Variants in ADAM22 observed in about 807,000 individuals in gnomAD.
The protein encoded by ADAM22 is ADAM metallopeptidase domain 22, also known as disintegrin and metalloproteinase domain-containing protein 22.
A neutral mutation model predicts 144.6 loss-of-function variants in ADAM22; 65 were observed. The ratio of observed to expected loss-of-function variants is 0.45; its 90% CI spans 0.37 to 0.55. The LOEUF (loss-of-function observed/expected upper bound fraction) is 0.55. Ranked by LOEUF, ADAM22 falls within the 20% of genes least tolerant of loss-of-function variation. ADAM22 has a pLI of 0.00. For synonymous variants in ADAM22, 391 were observed against 412.6 expected (o/e 0.95, Z 0.63); for missense variants, 974 against 1,184.9 (o/e 0.82, Z 2.61).
intron 2 of ADAM22, among the ~76,000 whole-genome samples, chr7:87,938,411 G>T (rs1311857634): frequency 6.6e-6 from 1 of 151,438 alleles, no homozygotes; most frequent in Non-Finnish European, 1.5e-5. Context: ...TAGAGACAGG[G>T]TTTCACCATT....
chr7:88,056,371 T>C (rs1002658465), intron 3 of ADAM22, among the ~76,000 whole-genome samples: 3 of 152,226 alleles, frequency 2.0e-5, no homozygotes, highest in Non-Finnish European at 4.4e-5. Context: ...TGGATGCATC[T>C]GTAGAGATTA....
chr7:88,195,555 G>A (rs549267818), intron 31 of ADAM22, among the ~76,000 whole-genome samples: 7 of 152,062 alleles, frequency 4.6e-5, no homozygotes, highest in African/African-American at 1.4e-4. Context: ...TCGCTCAGTC[G>A]CCCAGGCTAT....
In ADAM22 at chr7:88,132,995, A is replaced by G. The variant is rs561719237; in HGVS notation, c.1077+44A>G. Reference sequence around the variant, plus strand: ...ACAATACAAAGTGGTATGATGGCTGAAAATGTTTTCCTCATACTTAAGAGA... The same window carrying G: ...ACAATACAAAGTGGTATGATGGCTGGAAATGTTTTCCTCATACTTAAGAGA... On this transcript the variant is annotated intron_variant, in intron 12 of 31. Transcript: ENST00000413139. 7.1e-6 allele frequency: 11 copies of G among 1,551,128 alleles called. No homozygotes were observed. In the African/African-American group the frequency reaches 1.4e-4, roughly 19 times the overall value.
chr7:88,125,491 T>G, intron 7 of ADAM22, 98 bp from the exon 8 acceptor site: 1 of 733,356 alleles, frequency 1.4e-6, no homozygotes, highest in Non-Finnish European at 2.3e-6. Flanking sequence ...CATTATGTAT[T>G]ATAAAATTCA....
In ADAM22 at chr7:88,142,981, G is replaced by A. The variant is rs111483585; in HGVS notation, c.1221-45G>A. 1.5e-5 allele frequency: 18 copies of A among 1,218,534 alleles called. No homozygotes were observed. The African/African-American group carries it at 2.3e-4, about 15-fold the overall frequency. 75.5% of individuals were successfully genotyped at this position (1,218,534 alleles called of 1,614,324 possible). A position where few individuals can be genotyped will look rare whatever the true frequency, so the allele number is the denominator to read the frequency against. Reference sequence around the variant, plus strand: ...TCAGTTTTCAGACATTCACAAATGAGAAAGATGAGTTGAACCCAGCTATTG... The same window carrying A: ...TCAGTTTTCAGACATTCACAAATGAAAAAGATGAGTTGAACCCAGCTATTG... On this transcript the variant is annotated intron_variant, in intron 14 of 31. Transcript: ENST00000413139.
intron 4 of ADAM22, among the ~76,000 whole-genome samples, chr7:88,077,978 C>T (rs1240367279): frequency 1.3e-5 from 2 of 152,224 alleles, no homozygotes; most frequent in Non-Finnish European, 2.9e-5. Context: ...CCCTGTCTGT[C>T]AGCTTTGAAG....
intron 3 of ADAM22, among the ~76,000 whole-genome samples, chr7:88,068,138 A>G (rs569771824): frequency 3.3e-5 from 5 of 152,260 alleles, no homozygotes; most frequent in Admixed American, 2.0e-4. Context: ...AGGATTCTCT[A>G]GTATATCAAA....
chr7:88,142,870 C>G (rs1835204050), intron 14 of ADAM22, among the ~76,000 whole-genome samples, 156 bp from the exon 15 acceptor site: 1 of 151,052 alleles, frequency 6.6e-6, no homozygotes, highest in East Asian at 1.9e-4. Context: ...ATTGACTGAA[C>G]AAAACTCTTA....
In ADAM22 at chr7:88,150,058, G is replaced by A. The variant is rs528516302; in HGVS notation, c.1567-923G>A. On this transcript the variant is annotated intron_variant, in intron 18 of 31. Coordinates refer to ENST00000413139, the MANE Select transcript of ADAM22 (RefSeq NM_001324418.2). ...TGTGAATGTGAAGTTTCTTGCTGGC[G>A]TTACCCCCTCTGGGACATCGTCACC... 8.5e-5 allele frequency among the ~76,000 whole-genome samples: 13 copies of A among 152,112 alleles called. No individual in the cohort carries two copies. In the East Asian group the frequency reaches 9.6e-4, roughly 11 times the overall value.
In ADAM22 at chr7:88,100,980, G is replaced by A. The variant is rs1822751994; in HGVS notation, c.391-7196G>A. 1.3e-5 allele frequency among the ~76,000 whole-genome samples: 2 copies of A among 150,840 alleles called. 1 individual carries two copies. Among genetic ancestry groups the A allele is most frequent in the South Asian group, 4.3e-4 (2 of 4,682 alleles). ...AGCCATGCAGCCACCAATGTGTCAG[G>A]ACAGTGTATACCCTTGGGGGGAATC... On this transcript the variant is annotated intron_variant, in intron 4 of 31. Coordinates refer to ENST00000413139, the MANE Select transcript of ADAM22 (RefSeq NM_001324418.2).
chr7:88,141,003 G>C (rs1002700390), intron 14 of ADAM22, among the ~76,000 whole-genome samples: 4 of 151,712 alleles, frequency 2.6e-5, no homozygotes, highest in African/African-American at 9.7e-5. Context: ...GCAGAGGAGG[G>C]GTCCCAGTGG....
At chr7:88,175,674 T>C (rs1226445101) in intron 26 of ADAM22, among the ~76,000 whole-genome samples, 1 of 152,198 alleles carries the variant, frequency 6.6e-6, no homozygotes, top group African/African-American at 2.4e-5. Context: ...GGCCACCTAC[T>C]GTGGTGATCA....
Position 87,935,107 on chromosome 7 carries a change from T to C in ADAM22, c.167T>C (p.Ile56Thr). 1.9e-6 allele frequency: 3 copies of C among 1,613,880 alleles called. No homozygotes were observed. Among genetic ancestry groups the C allele is most frequent in the Non-Finnish European group, 2.5e-6 (3 of 1,179,966 alleles). The change falls in exon 2 of 32, where the codon ATC (isoleucine) becomes ACC (threonine). Residue 56 changes from isoleucine to threonine, a missense_variant. Ile to Thr is a moderately conservative substitution (Grantham distance 89). Around this residue, in one of 2 missense-constraint regions of ADAM22, gnomAD observed 240 missense variants for 234.3 expected, o/e 1.02. Coordinates refer to ENST00000413139, the MANE Select transcript of ADAM22 (RefSeq NM_001324418.2). ...ERQSIVPLRLIYRSGGEDESR... is the reference protein window; with the variant it reads ...ERQSIVPLRLTYRSGGEDESR... ...CAGAGCATCGTGCCACTGCGCCTCA[T>C]CTACCGCTCGGGCGGCGAAGACGAA...
intron 2 of ADAM22, among the ~76,000 whole-genome samples, chr7:87,935,932 T>C (rs184002288): frequency 2.0e-5 from 3 of 152,372 alleles, no homozygotes; most frequent in Admixed American, 2.0e-4. Context: ...TAAATACTTC[T>C]GGGGCTGTGT....
chr7:88,071,686 G>A (rs964440247), intron 3 of ADAM22, among the ~76,000 whole-genome samples: 3 of 151,910 alleles, frequency 2.0e-5, no homozygotes, highest in African/African-American at 7.3e-5. Context: ...AATGAAAAAA[G>A]GTCTCAGAAA....
intron 6 of ADAM22, among the ~76,000 whole-genome samples, chr7:88,116,105 T>C (rs750756534): frequency 2.4e-4 from 37 of 152,214 alleles, no homozygotes; most frequent in Non-Finnish European, 4.1e-4. Context: ...GCTGCCTGTC[T>C]TGTCACTTTG....
chr7:88,082,632 A>G (rs915429699), intron 4 of ADAM22, among the ~76,000 whole-genome samples: 3 of 152,230 alleles, frequency 2.0e-5, no homozygotes, highest in Non-Finnish European at 4.4e-5. Flanking sequence ...TACTCAAACA[A>G]ATTTACAAGA....
intron 3 of ADAM22, among the ~76,000 whole-genome samples, chr7:88,020,135 A>G (rs757025251): frequency 5.3e-5 from 8 of 152,160 alleles, no homozygotes; most frequent in Admixed American, 1.3e-4. Flanking sequence ...CTGCATTCTC[A>G]TGAATATTGG....
chr7:87,987,770 A>C (rs907932334), intron 3 of ADAM22, among the ~76,000 whole-genome samples: 1 of 152,214 alleles, frequency 6.6e-6, no homozygotes, highest in African/African-American at 2.4e-5. Flanking sequence ...CCATCTGCAC[A>C]GAGCTGGCTT....
Sources: allele counts gnomAD v4.1 joint callset (sites outside exome capture counted in the v4.1 genomes callset), GRCh38; gene constraint gnomAD v4.1.1; regional missense constraint gnomAD v4.1.1; transcripts MANE v1.5; gene names NCBI Gene and HGNC (gene_info 2026-07-23, HGNC 2026-07-21).